SGCZ: variants seen among roughly 807,000 people sequenced by gnomAD.
The protein encoded by SGCZ is sarcoglycan zeta.
In SGCZ, 40 loss-of-function variants were observed where a neutral mutation model predicts 41.3. That is an observed-to-expected ratio of 0.97 (90% CI 0.75 to 1.26). SGCZ has a LOEUF of 1.26. SGCZ is among the 50% of genes most tolerant of loss of function. The pLI, the probability that SGCZ is intolerant of heterozygous loss-of-function variation, is 0.00. For missense variants in SGCZ, 552 were observed against 369.8 expected (o/e 1.49, Z -4.04); for synonymous variants, 206 against 137.5 (o/e 1.50, Z -3.49).
At chr8:14,927,944 C>T (rs970839076) in intron 1 of SGCZ, among the ~76,000 whole-genome samples, 5 of 152,074 alleles carry the variant, frequency 3.3e-5, no homozygotes, top group African/African-American at 1.2e-4. Flanking sequence ...TTCAACATCC[C>T]AAGAACCTGG....
At chr8:15,065,656 C>A (rs960927695) in intron 1 of SGCZ, among the ~76,000 whole-genome samples, 3 of 151,826 alleles carry the variant, frequency 2.0e-5, no homozygotes, top group African/African-American at 7.3e-5. Flanking sequence ...CCAGGCTGGT[C>A]TCAAACTCAT....
At chr8:14,226,409 T>C (rs537625023) in intron 4 of SGCZ, among the ~76,000 whole-genome samples, 3 of 152,188 alleles carry the variant, frequency 2.0e-5, no homozygotes, top group South Asian at 2.1e-4. Flanking sequence ...CCCCATACCA[T>C]CCCTGTGAAC....
chr8:14,342,888 C>G (rs935058949), intron 2 of SGCZ, among the ~76,000 whole-genome samples: 1 of 152,184 alleles, frequency 6.6e-6, no homozygotes, highest in Non-Finnish European at 1.5e-5. Context: ...CCTCTCTTCA[C>G]AGGCCTGGAG....
At chr8:14,120,503 G>C (rs1802665025) in intron 5 of SGCZ, among the ~76,000 whole-genome samples, 1 of 151,936 alleles carries the variant, frequency 6.6e-6, no homozygotes, top group African/African-American at 2.4e-5. Flanking sequence ...TTTATATTTG[G>C]CTAGAATCAC....
intron 1 of SGCZ, among the ~76,000 whole-genome samples, chr8:14,767,970 A>G (rs1456660349): frequency 1.3e-5 from 2 of 152,182 alleles, no homozygotes; most frequent in African/African-American, 2.4e-5. Context: ...AGAAAATCCA[A>G]ATAGTGGGAT....
intron 1 of SGCZ, among the ~76,000 whole-genome samples, chr8:14,650,780 C>A (rs1563179479): frequency 6.6e-6 from 1 of 152,026 alleles, no homozygotes; most frequent in Non-Finnish European, 1.5e-5. Flanking sequence ...CCCCTACCTA[C>A]TCCGGCTCGT....
At chr8:14,383,775 G>T (rs1804459842) in intron 2 of SGCZ, among the ~76,000 whole-genome samples, 1 of 152,140 alleles carries the variant, frequency 6.6e-6, no homozygotes, top group African/African-American at 2.4e-5. Context: ...GAGGTTGTAA[G>T]ATCAGGGACT....
Position 14,173,732 on chromosome 8 carries a change from A to T in SGCZ, c.425-9030T>A, listed in dbSNP as rs374797093. On this transcript the variant is annotated intron_variant, in intron 4 of 7. Transcript: ENST00000382080. ...GGAGCAGGAACAGAGGATAAAATAA[A>T]CAAAAGATAGAGGAGATGTACAGGA... Among the ~76,000 whole-genome samples the T allele has an allele frequency of 5.4e-5, 8 of 149,120 alleles. No individual in the cohort carries two copies. The East Asian group carries it at 1.4e-3, about 25-fold the overall frequency.
At chr8:15,194,921 T>G (rs1170744879) in intron 1 of SGCZ, among the ~76,000 whole-genome samples, 2 of 152,202 alleles carry the variant, frequency 1.3e-5, no homozygotes, top group Non-Finnish European at 2.9e-5. Context: ...GAAACAAAAT[T>G]AACACATTGC....
At chr8:15,023,191 T>C (rs1400944646) in intron 1 of SGCZ, among the ~76,000 whole-genome samples, 1 of 152,202 alleles carries the variant, frequency 6.6e-6, no homozygotes, top group Non-Finnish European at 1.5e-5. Context: ...TTAAATAGCA[T>C]CTGAGAGGGG....
At chr8:15,036,672 C>A (rs1273497607) in intron 1 of SGCZ, among the ~76,000 whole-genome samples, 1 of 152,054 alleles carries the variant, frequency 6.6e-6, no homozygotes, top group Non-Finnish European at 1.5e-5. Flanking sequence ...AGAATTAATA[C>A]CAATTATTCT....
rs189994174 is a variant in SGCZ at position 14,221,024 on chromosome 8, G to A, written c.424+16568C>T. Among the ~76,000 whole-genome samples, 10 of 148,290 alleles carry A rather than the reference G, an allele frequency of 6.7e-5. No individual in the cohort carries two copies. In the East Asian group the frequency reaches 1.8e-3, roughly 27 times the overall value. ...GTGCCTAATATAGAAAAAAAAAATA[G>A]AATTTCATGGGGAAGCCCAAGTAGA... is the stretch of plus-strand genomic sequence containing the variant. On this transcript the variant is annotated intron_variant, in intron 4 of 7. Coordinates refer to ENST00000382080, the MANE Select transcript of SGCZ (RefSeq NM_139167.4).
At chr8:14,532,122 T>C (rs778472444) in intron 2 of SGCZ, among the ~76,000 whole-genome samples, 17 of 152,090 alleles carry the variant, frequency 1.1e-4, no homozygotes, top group African/African-American at 2.9e-4. Context: ...ACTGTGGAAA[T>C]ACCAGAATGG....
intron 2 of SGCZ, among the ~76,000 whole-genome samples, chr8:14,365,562 A>G (rs919571244): frequency 2.0e-5 from 3 of 152,122 alleles, no homozygotes; most frequent in Non-Finnish European, 2.9e-5. Flanking sequence ...CTACTTGTAA[A>G]ACAAATCTGG....
intron 2 of SGCZ, among the ~76,000 whole-genome samples, chr8:14,396,579 G>A (rs1229063638): frequency 6.6e-6 from 1 of 151,052 alleles, no homozygotes; most frequent in African/African-American, 2.4e-5. Context: ...TCGGTGCTAG[G>A]GATATAATGG....
At chr8:14,897,988 A>G (rs906251669) in intron 1 of SGCZ, among the ~76,000 whole-genome samples, 21 of 152,194 alleles carry the variant, frequency 1.4e-4, no homozygotes, top group East Asian at 1.9e-4. Context: ...GTGAAGAAAG[A>G]CATTTTAAAA....
chr8:14,315,681 A>T (rs1300436866), intron 3 of SGCZ, among the ~76,000 whole-genome samples: 2 of 152,072 alleles, frequency 1.3e-5, no homozygotes, highest in Non-Finnish European at 2.9e-5. Context: ...CCTAAGATAG[A>T]TTTACTTGAA....
chr8:14,526,945 G>A (rs528955066), intron 2 of SGCZ, among the ~76,000 whole-genome samples: 22 of 152,148 alleles, frequency 1.4e-4, no homozygotes, highest in African/African-American at 4.6e-4. Context: ...TATCTACTGG[G>A]CACGACAACA....
intron 3 of SGCZ, among the ~76,000 whole-genome samples, chr8:14,300,247 G>C (rs1422558039): frequency 6.6e-6 from 1 of 151,500 alleles, no homozygotes; most frequent in Non-Finnish European, 1.5e-5. Context: ...CTAAATACAG[G>C]AAGGAAGGAA....
Sources: gnomAD v4.1 joint callset for allele counts (sites outside exome capture counted in the v4.1 genomes callset) on GRCh38, gnomAD v4.1.1 for gene constraint, MANE v1.5 for transcripts, NCBI Gene and HGNC (gene_info 2026-07-23, HGNC 2026-07-21) for gene names.